TTC7A: variants seen among roughly 807,000 people sequenced by gnomAD.
TTC7A encodes the protein tetratricopeptide repeat domain 7A.
TTC7A carries 110 observed loss-of-function variants against 103.7 expected under a neutral mutation model. The observed-to-expected ratio is 1.06, with a 90% confidence interval of 0.91 to 1.24. The LOEUF (loss-of-function observed/expected upper bound fraction) is 1.24. TTC7A is among the 50% of genes most tolerant of loss of function. TTC7A has a pLI of 0.00. For synonymous variants in TTC7A, 521 were observed against 467.9 expected (o/e 1.11, Z -1.47); for missense variants, 1,340 against 1,116.3 (o/e 1.20, Z -2.86).
intron 9 of TTC7A, among the ~76,000 whole-genome samples, chr2:47,006,287 A>C (rs1677370333): frequency 6.6e-6 from 1 of 152,234 alleles, no homozygotes; most frequent in Non-Finnish European, 1.5e-5. Context: ...AAAGGCTGAG[A>C]ACAGTGCCAT....
Position 47,006,064 on chromosome 2 carries a change from G to A in TTC7A, c.1203+5G>A, listed in dbSNP as rs780472175. The A allele has an allele frequency of 2.5e-5, 40 of 1,611,708 alleles. No homozygotes were observed. The highest frequency in any genetic ancestry group is 5.3e-5 in the African/African-American group (4 of 74,816). On this transcript the variant is annotated splice_donor_5th_base_variant and intron_variant, in intron 9 of 19. Coordinates refer to ENST00000319190, the MANE Select transcript of TTC7A (RefSeq NM_020458.4). ...CAGTACGTCATGCTCTCGGAGGTAC[G>A]GCCGGCCATGCAGCCCACCCCACTC...
intron 14 of TTC7A, 152 bp from the exon 15 acceptor site, chr2:47,029,072 G>A (rs1680223483): frequency 2.5e-6 from 2 of 794,550 alleles, no homozygotes; most frequent in Non-Finnish European, 4.0e-6. Flanking sequence ...AGGCCATCTG[G>A]GGCAGGTGTT....
At chr2:46,980,258 C>T (rs1261183407) in intron 5 of TTC7A, among the ~76,000 whole-genome samples, 3 of 138,052 alleles carry the variant, frequency 2.2e-5, no homozygotes, top group Non-Finnish European at 4.6e-5. Context: ...CTTACTCTGA[C>T]ATCCAGGCTG....
intron 11 of TTC7A, among the ~76,000 whole-genome samples, chr2:47,017,500 G>A (rs544104874): frequency 6.6e-6 from 1 of 152,322 alleles, no homozygotes; most frequent in South Asian, 2.1e-4. Flanking sequence ...TCATGCCACT[G>A]CACTCCAGCC....
intron 1 of TTC7A, among the ~76,000 whole-genome samples, chr2:46,947,549 C>G (rs1438562730): frequency 1.3e-5 from 2 of 152,152 alleles, no homozygotes; most frequent in Non-Finnish European, 1.5e-5. Context: ...AACCCCGTCT[C>G]TACCAAAAAT....
chr2:47,031,218 C>G (rs756137252), intron 15 of TTC7A, among the ~76,000 whole-genome samples: 7 of 152,174 alleles, frequency 4.6e-5, no homozygotes, highest in Non-Finnish European at 8.8e-5. Context: ...TTAGGAAATC[C>G]TAACACAGAG....
chr2:46,937,495 A>G (rs1670039365), upstream of TTC7A, among the ~76,000 whole-genome samples: 1 of 152,256 alleles, frequency 6.6e-6, no homozygotes, highest in South Asian at 2.1e-4. This position sits in a 1 kb window ranked among gnomAD's most constrained non-coding sequence, Gnocchi z 4.0. Context: ...TTTTAGGAAC[A>G]TATCATCCAG....
upstream of TTC7A, chr2:46,941,085 C>G (rs1260908783): frequency 6.7e-6 from 1 of 149,382 alleles, no homozygotes; most frequent in African/African-American, 2.4e-5. This position sits in a 1 kb window ranked among gnomAD's most constrained non-coding sequence, Gnocchi z 4.2. Context: ...CGCGAGCGCC[C>G]TTCGCGCGCC....
chr2:46,948,765 A>T (rs549371703), intron 1 of TTC7A, among the ~76,000 whole-genome samples: 13 of 152,286 alleles, frequency 8.5e-5, no homozygotes, highest in Non-Finnish European at 1.6e-4. Flanking sequence ...CAGCTAAGGC[A>T]TGCAGTTTTG....
intron 11 of TTC7A, among the ~76,000 whole-genome samples, chr2:47,014,992 C>T (rs1678485474): frequency 6.6e-6 from 1 of 152,252 alleles, no homozygotes; most frequent in African/African-American, 2.4e-5. Context: ...CGTGCATGGT[C>T]ACGTGCTGGC....
intron 3 of TTC7A, among the ~76,000 whole-genome samples, chr2:46,969,800 T>C (rs1462602402): frequency 6.6e-6 from 1 of 152,216 alleles, no homozygotes; most frequent in African/African-American, 2.4e-5. Context: ...TGCATCCGTC[T>C]GCATGCTTCC....
upstream of TTC7A, chr2:46,915,903 G>A (rs973348423): frequency 1.6e-5 from 16 of 984,960 alleles, no homozygotes; most frequent in Non-Finnish European, 1.9e-5. Context: ...GCGGCGGCGG[G>A]CTGTGAGGAC....
At chr2:47,041,798 A>C (rs1352633815) in intron 15 of TTC7A, among the ~76,000 whole-genome samples, 1 of 151,972 alleles carries the variant, frequency 6.6e-6, no homozygotes, top group Non-Finnish European at 1.5e-5. Flanking sequence ...TTAAACTCTT[A>C]AGCCTAGGTG....
At chr2:46,999,984 C>T in intron 8 of TTC7A, 2 of 874,626 alleles carry the variant, frequency 2.3e-6, no homozygotes. Context: ...TTGAATTTAC[C>T]ATTCACAATC....
At chr2:46,919,829 T>C (rs183852956) in intron 2 of TTC7A, among the ~76,000 whole-genome samples, 5 of 152,364 alleles carry the variant, frequency 3.3e-5, no homozygotes, top group East Asian at 3.9e-4. Flanking sequence ...GCAGTTTCTT[T>C]TGTTTAGAGA....
intron 3 of TTC7A, among the ~76,000 whole-genome samples, chr2:46,969,726 A>G (rs1673187903): frequency 1.3e-5 from 2 of 152,044 alleles, no homozygotes; most frequent in Non-Finnish European, 1.5e-5. Flanking sequence ...AATATTTTTT[A>G]AGTAGAGAGG....
intron 5 of TTC7A, among the ~76,000 whole-genome samples, chr2:46,990,036 G>A (rs891890367): frequency 3.9e-5 from 6 of 152,232 alleles, no homozygotes; most frequent in African/African-American, 1.4e-4. Context: ...CCTCTTGGTA[G>A]CAGGTGCCAG....
intron 16 of TTC7A, 74 bp downstream of exon 16, chr2:47,046,505 C>T (rs1682339036): frequency 1.7e-6 from 2 of 1,143,590 alleles, no homozygotes; most frequent in Non-Finnish European, 1.3e-6. Context: ...TGGGTGGCCA[C>T]CATGCCTGCC....
chr2:47,001,894 A>G (rs1676858431), intron 8 of TTC7A, among the ~76,000 whole-genome samples: 1 of 150,350 alleles, frequency 6.7e-6, no homozygotes, highest in Admixed American at 6.6e-5. Flanking sequence ...AATGCATGTC[A>G]CACGCATAGG....
Sources: allele counts gnomAD v4.1 joint callset (sites outside exome capture counted in the v4.1 genomes callset), GRCh38; gene constraint gnomAD v4.1.1; non-coding constraint Gnocchi (gnomAD v3.1); transcripts MANE v1.5; gene names NCBI Gene and HGNC (gene_info 2026-07-23, HGNC 2026-07-21).